KCNMB2: variants seen among roughly 807,000 people sequenced by gnomAD.
The protein encoded by KCNMB2 is calcium-activated potassium channel subunit beta-2.
A neutral mutation model predicts 24.5 loss-of-function variants in KCNMB2; 9 were observed. That is an observed-to-expected ratio of 0.37 (90% CI 0.22 to 0.64). The LOEUF (loss-of-function observed/expected upper bound fraction) is 0.64, where lower values mean the gene tolerates loss of function less well. Among genes scored for constraint, KCNMB2 ranks in the 30% least tolerant of loss-of-function variants. The probability of loss-of-function intolerance (pLI) is 0.63; values close to 1 mark genes in which losing one functional copy is unlikely to be tolerated. For missense variants in KCNMB2, 226 were observed against 284.3 expected (o/e 0.79, Z 1.47); for synonymous variants, 109 against 104.4 (o/e 1.04, Z -0.27).
chr3:178,747,457 G>A lies in KCNMB2; in HGVS notation c.-67-59886G>A, dbSNP rs568119518. Among the ~76,000 whole-genome samples the A allele has an allele frequency of 4.1e-4, 63 of 152,206 alleles. 1 individual carries two copies. The highest frequency in any genetic ancestry group is 1.4e-3 in the African/African-American group (57 of 41,528). On this transcript the variant is annotated intron_variant, in intron 1 of 4. Transcript: ENST00000452583. ...AGCAAAATGCCAGCCACTGTTCTACGGGTTTATCATGTATTAATTAAAATC... is the reference window on the plus strand; with the variant it reads ...AGCAAAATGCCAGCCACTGTTCTACAGGTTTATCATGTATTAATTAAAATC...
chr3:178,810,997 C>G (rs1261987542), intron 2 of KCNMB2, among the ~76,000 whole-genome samples: 2 of 151,476 alleles, frequency 1.3e-5, no homozygotes, highest in East Asian at 3.9e-4. Flanking sequence ...CGTGATCCGC[C>G]CACCTCAGCC....
chr3:178,809,355 T>C (rs1714096927), intron 2 of KCNMB2, among the ~76,000 whole-genome samples: 2 of 152,242 alleles, frequency 1.3e-5, no homozygotes, highest in Non-Finnish European at 2.9e-5. Context: ...TTTTGCTACT[T>C]TTTATGAACA....
chr3:178,819,679 A>G (rs1046651241), intron 2 of KCNMB2, among the ~76,000 whole-genome samples: 3 of 152,174 alleles, frequency 2.0e-5, no homozygotes, highest in African/African-American at 7.2e-5. Context: ...ACCTTTATCA[A>G]TGAGTCAAGA....
At chr3:178,711,360 T>G (rs1168273227) in intron 1 of KCNMB2, among the ~76,000 whole-genome samples, 1 of 152,194 alleles carries the variant, frequency 6.6e-6, no homozygotes, top group African/African-American at 2.4e-5. Context: ...GTTTTTATTC[T>G]TGCATCCTGC....
chr3:178,703,218 C>T (rs1348419564), intron 1 of KCNMB2, among the ~76,000 whole-genome samples: 1 of 151,920 alleles, frequency 6.6e-6, no homozygotes, highest in Non-Finnish European at 1.5e-5. Flanking sequence ...TGCTAAGTGC[C>T]GAATACATTC....
chr3:178,727,426 GAGA>G (rs1203122390), intron 1 of KCNMB2, among the ~76,000 whole-genome samples: 2 of 152,148 alleles, frequency 1.3e-5, no homozygotes, highest in Admixed American at 6.6e-5. Context: ...TCTAGAACCT[GAGA>G]AGATGTTACC....
intron 1 of KCNMB2, among the ~76,000 whole-genome samples, chr3:178,757,319 GAC>G (rs1315821355): frequency 3.1e-5 from 3 of 98,004 alleles, no homozygotes; most frequent in African/African-American, 1.1e-4. Context: ...CATCCAAGAG[GAC>G]ATATATATAT....
chr3:178,784,621 A>G (rs1408403150), intron 1 of KCNMB2, among the ~76,000 whole-genome samples: 1 of 152,122 alleles, frequency 6.6e-6, no homozygotes, highest in East Asian at 1.9e-4. Context: ...ATACTTCTCA[A>G]GAGTCTTTCA....
intron 1 of KCNMB2, among the ~76,000 whole-genome samples, chr3:178,678,895 T>C (rs1031622355): frequency 6.6e-6 from 1 of 152,188 alleles, no homozygotes; most frequent in Non-Finnish European, 1.5e-5. Flanking sequence ...AGACCTTTCC[T>C]GATCTTCTTT....
In KCNMB2 at chr3:178,575,572, T is replaced by C. The variant is rs1273861393; in HGVS notation, c.-68+38861T>C. On this transcript the variant is annotated intron_variant, in intron 1 of 4. Coordinates refer to ENST00000452583, the MANE Select transcript of KCNMB2 (RefSeq NM_181361.3). ...CACAGGATTATTGACAGGATACAAC[T>C]AATATGAAATAAAAGATATAAAAGC... Among the ~76,000 whole-genome samples, 3 of 152,156 alleles carry C rather than the reference T, an allele frequency of 2.0e-5. No homozygotes were observed. In the East Asian group the frequency reaches 5.8e-4, roughly 29 times the overall value.
At chr3:178,610,538 T>C (rs1204309740) in intron 1 of KCNMB2, among the ~76,000 whole-genome samples, 1 of 149,510 alleles carries the variant, frequency 6.7e-6, no homozygotes, top group East Asian at 1.9e-4. Context: ...TACTTTTTAA[T>C]TTCTTTTTCA....
intron 1 of KCNMB2, among the ~76,000 whole-genome samples, chr3:178,551,666 T>C (rs1715957061): frequency 6.6e-6 from 1 of 152,268 alleles, no homozygotes; most frequent in East Asian, 1.9e-4. Context: ...CACAATAATA[T>C]CAGTTATAGC....
intron 1 of KCNMB2, among the ~76,000 whole-genome samples, chr3:178,761,469 C>T (rs1711873614): frequency 6.6e-6 from 1 of 152,168 alleles, no homozygotes; most frequent in Admixed American, 6.5e-5. Context: ...TATCCACATC[C>T]TATTAGTCCT....
At chr3:178,745,109 G>A (rs1466566948) in intron 1 of KCNMB2, among the ~76,000 whole-genome samples, 2 of 152,200 alleles carry the variant, frequency 1.3e-5, no homozygotes, top group Admixed American at 1.3e-4. Flanking sequence ...TAAACACTTA[G>A]TATGATACCT....
chr3:178,563,539 G>T (rs1365762047), intron 1 of KCNMB2, among the ~76,000 whole-genome samples: 9 of 152,174 alleles, frequency 5.9e-5, no homozygotes, highest in Non-Finnish European at 2.9e-5. Context: ...ACAGATACTT[G>T]AAGTCAAAGA....
At chr3:178,778,401 G>C (rs1485150598) in intron 1 of KCNMB2, among the ~76,000 whole-genome samples, 1 of 150,858 alleles carries the variant, frequency 6.6e-6, no homozygotes, top group Admixed American at 6.7e-5. Flanking sequence ...AAAGCTGAGA[G>C]TCAGTCATGT....
chr3:178,626,284 G>C (rs541296724), intron 1 of KCNMB2, among the ~76,000 whole-genome samples: 14 of 152,304 alleles, frequency 9.2e-5, no homozygotes, highest in African/African-American at 3.1e-4. Context: ...TCTGAGCATT[G>C]ATTTCTCATT....
intron 1 of KCNMB2, among the ~76,000 whole-genome samples, chr3:178,635,276 G>A (rs896698010): frequency 3.9e-5 from 6 of 152,168 alleles, no homozygotes; most frequent in African/African-American, 1.4e-4. Flanking sequence ...GATACAAATT[G>A]CTGATTTATT....
At chr3:178,723,018 A>T (rs1226982921) in intron 1 of KCNMB2, among the ~76,000 whole-genome samples, 1 of 152,198 alleles carries the variant, frequency 6.6e-6, no homozygotes, top group African/African-American at 2.4e-5. Context: ...TGTAAAAAAA[A>T]ATCAGTTGAC....
Sources: gnomAD v4.1 joint callset for allele counts (sites outside exome capture counted in the v4.1 genomes callset) on GRCh38, gnomAD v4.1.1 for gene constraint, MANE v1.5 for transcripts, NCBI Gene and HGNC (gene_info 2026-07-23, HGNC 2026-07-21) for gene names.